The following ADARB2 variants were observed in gnomAD, a reference collection of about 807,000 sequenced individuals.
ADARB2 encodes the protein adenosine deaminase RNA specific B2 (inactive).
Under a neutral mutation model 62.2 loss-of-function variants are expected in ADARB2, and 25 were observed. The observed-to-expected ratio is 0.40, with a 90% CI of 0.29 to 0.56. The LOEUF is 0.56. Among genes scored for constraint, ADARB2 ranks in the 20% least tolerant of loss-of-function variants. The pLI is 0.43. For missense variants in ADARB2, 1,071 were observed against 1,077.4 expected (o/e 0.99, Z 0.08); for synonymous variants, 572 against 500.8 (o/e 1.14, Z -1.90).
intron 1 of ADARB2, among the ~76,000 whole-genome samples, chr10:1,576,397 G>T (rs189089212): frequency 6.6e-6 from 1 of 151,944 alleles, no homozygotes; most frequent in East Asian, 1.9e-4. Flanking sequence ...AGAGTCACAG[G>T]AGGGGGCTCA....
At chr10:1,719,508 T>TA in intron 1 of ADARB2, among the ~76,000 whole-genome samples, 1 of 152,260 alleles carries the variant, frequency 6.6e-6, no homozygotes, top group South Asian at 2.1e-4. Context: ...GGCCTTTTGA[T>TA]AAAAAATTGC....
intron 1 of ADARB2, among the ~76,000 whole-genome samples, chr10:1,486,155 G>A (rs770087461): frequency 1.4e-4 from 21 of 151,830 alleles, no homozygotes; most frequent in Non-Finnish European, 2.6e-4. Flanking sequence ...TGTAAACCTC[G>A]TTAGAGGAAA....
At chr10:1,254,026 G>A (rs1270639313) in intron 4 of ADARB2, among the ~76,000 whole-genome samples, 3 of 151,962 alleles carry the variant, frequency 2.0e-5, no homozygotes, top group African/African-American at 7.3e-5. Flanking sequence ...TGGTTAGGAT[G>A]CAGAGGGCTC....
At chr10:1,399,891 G>A (rs1242456511) in intron 1 of ADARB2, among the ~76,000 whole-genome samples, 1 of 152,192 alleles carries the variant, frequency 6.6e-6, no homozygotes, top group Non-Finnish European at 1.5e-5. Context: ...AGGCCCTGGT[G>A]GGAGGCTGCC....
Position 1,258,281 on chromosome 10 carries a change from A to G in ADARB2, c.1192+12674T>C, listed in dbSNP as rs558497472. ...AGCAAAATAACCAGCTAACATCATA[A>G]TGACAGGATCAAATTCACACATAAC... On this transcript the variant is annotated intron_variant, in intron 4 of 9. Transcript: ENST00000381312. 1.6e-4 allele frequency among the ~76,000 whole-genome samples: 25 copies of G among 152,318 alleles called. No homozygotes were observed. In the South Asian group the frequency reaches 3.9e-3, roughly 24 times the overall value.
At chr10:1,422,597 C>T (rs1447651509) in intron 1 of ADARB2, among the ~76,000 whole-genome samples, 1 of 152,178 alleles carries the variant, frequency 6.6e-6, no homozygotes, top group Non-Finnish European at 1.5e-5. Context: ...GTCACATGTC[C>T]CTTACCTGGG....
intron 1 of ADARB2, among the ~76,000 whole-genome samples, chr10:1,696,535 T>C (rs964786227): frequency 1.3e-5 from 2 of 152,236 alleles, no homozygotes; most frequent in African/African-American, 2.4e-5. Context: ...TTAAAGGCCC[T>C]TTCCAATTGC....
intron 1 of ADARB2, among the ~76,000 whole-genome samples, chr10:1,636,279 G>A (rs1178524554): frequency 6.6e-6 from 1 of 152,206 alleles, no homozygotes; most frequent in East Asian, 1.9e-4. Flanking sequence ...TACTTTGGGA[G>A]GCTGAAGCAG....
chr10:1,344,901 C>A (rs143637146), intron 3 of ADARB2, among the ~76,000 whole-genome samples: 1 of 152,188 alleles, frequency 6.6e-6, no homozygotes, highest in Non-Finnish European at 1.5e-5. Context: ...TCCATGTGGC[C>A]TTCATTGTGT....
At chr10:1,643,971 A>G (rs982851867) in intron 1 of ADARB2, among the ~76,000 whole-genome samples, 3 of 152,034 alleles carry the variant, frequency 2.0e-5, no homozygotes, top group Non-Finnish European at 4.4e-5. Flanking sequence ...CCTCATGGAG[A>G]GCTTCATTAC....
chr10:1,355,029 C>G (rs1039268622), intron 3 of ADARB2, among the ~76,000 whole-genome samples: 1 of 152,178 alleles, frequency 6.6e-6, no homozygotes, highest in East Asian at 1.9e-4. Context: ...CCTGAGGGCT[C>G]CCACGAGGCT....
intron 1 of ADARB2, among the ~76,000 whole-genome samples, chr10:1,559,687 G>T (rs993893376): frequency 6.6e-6 from 1 of 152,188 alleles, no homozygotes; most frequent in Non-Finnish European, 1.5e-5. Flanking sequence ...CAAATGCCTC[G>T]CTTAGCGACT....
Position 1,194,198 on chromosome 10 carries a change from T to C in ADARB2, c.1864+5768A>G, listed in dbSNP as rs1033674321. Among the ~76,000 whole-genome samples, 4 of 152,184 alleles carry C rather than the reference T, an allele frequency of 2.6e-5. No homozygotes were observed. In the South Asian group the frequency reaches 6.2e-4, roughly 24 times the overall value. ...TCCCAGGTATTGCTGGGAAGGCACA[T>C]TCAACGCGATTAACATTTAACTCAT... On this transcript the variant is annotated intron_variant, in intron 8 of 9. Transcript: ENST00000381312.
intron 6 of ADARB2, among the ~76,000 whole-genome samples, chr10:1,218,439 A>T (rs1322874802): frequency 6.6e-6 from 1 of 152,236 alleles, no homozygotes. Context: ...TAGTATAGTG[A>T]TTATATCATT....
At chr10:1,358,655 A>T (rs1040352906) in intron 3 of ADARB2, among the ~76,000 whole-genome samples, 3 of 151,878 alleles carry the variant, frequency 2.0e-5, no homozygotes, top group African/African-American at 7.3e-5. Flanking sequence ...AGCAAAACAA[A>T]GATTCTTTTA....
At chr10:1,227,129 C>A (rs1830755172) in intron 6 of ADARB2, among the ~76,000 whole-genome samples, 1 of 152,266 alleles carries the variant, frequency 6.6e-6, no homozygotes, top group Non-Finnish European at 1.5e-5. Context: ...CCCCCAGCCT[C>A]ACTGCCGCCT....
At chr10:1,672,689 T>C (rs371303326) in intron 1 of ADARB2, among the ~76,000 whole-genome samples, 3,427 of 65,288 alleles carry the variant, frequency 0.052, 8 homozygotes, top group South Asian at 0.082. Flanking sequence ...CGCACTTCCC[T>C]TTCCTCCTTC....
At chr10:1,452,943 C>G (rs1444221589) in intron 1 of ADARB2, among the ~76,000 whole-genome samples, 1 of 152,210 alleles carries the variant, frequency 6.6e-6, no homozygotes, top group Non-Finnish European at 1.5e-5. Context: ...CACAATGCAT[C>G]CTGGTGGGCC....
intron 1 of ADARB2, among the ~76,000 whole-genome samples, chr10:1,682,522 T>G (rs1016845357): frequency 1.3e-5 from 2 of 152,244 alleles, no homozygotes; most frequent in Admixed American, 1.3e-4. Context: ...GTAGTCTCTT[T>G]GCTTCATCCC....
Sources: gnomAD v4.1 joint callset for allele counts (sites outside exome capture counted in the v4.1 genomes callset) on GRCh38, gnomAD v4.1.1 for gene constraint, MANE v1.5 for transcripts, NCBI Gene and HGNC (gene_info 2026-07-23, HGNC 2026-07-21) for gene names.